The following BEND3 variants were observed in gnomAD, a reference collection of about 807,000 sequenced individuals.
The protein encoded by BEND3 is BEN domain-containing protein 3.
Under a neutral mutation model 60.1 loss-of-function variants are expected in BEND3, and 13 were observed. That is an observed-to-expected ratio of 0.22 (90% CI 0.14 to 0.34). BEND3 has a LOEUF of 0.34. BEND3 is among the 10% of genes least tolerant of loss of function. The probability of loss-of-function intolerance (pLI) is 1.00; values close to 1 mark genes in which losing one functional copy is unlikely to be tolerated. For missense variants in BEND3, 896 were observed against 1,138.1 expected (o/e 0.79, Z 3.06); for synonymous variants, 497 against 491.5 (o/e 1.01, Z -0.15).
rs1774840860 is a variant in BEND3, at chr6:107,066,784, T to C, written c.*1920A>G. The C allele has an allele frequency of 6.6e-6, 1 of 152,506 alleles. No homozygotes were observed. Among genetic ancestry groups the C allele is most frequent in the Non-Finnish European group, 1.5e-5 (1 of 68,030 alleles). 9.4% of individuals were successfully genotyped at this position (152,506 alleles called of 1,614,324 possible). A position where few individuals can be genotyped will look rare whatever the true frequency, so the allele number is the denominator to read the frequency against. The stretch of plus-strand genomic sequence containing the variant: ...GTAGGGTGCGTGTGTGTGCATGCTG[T>C]GTGCATGTGCTGGAGAGACTAAGGC... On this transcript the variant is annotated 3_prime_UTR_variant, in exon 4 of 4. Coordinates refer to ENST00000369042, the MANE Select transcript of BEND3 (RefSeq NM_001367314.1).
chr6:107,073,982 C>T (rs1178316131), intron 3 of BEND3, among the ~76,000 whole-genome samples: 6 of 152,232 alleles, frequency 3.9e-5, no homozygotes, highest in African/African-American at 1.4e-4. Flanking sequence ...AATCAGCAAG[C>T]ATTCTGTTTG....
In BEND3 at chr6:107,102,850, C is replaced by A. The variant is rs181792384; in HGVS notation, c.-11-3554G>T. Reference sequence around the variant, plus strand: ...ATGTGTGCCTGTGCCTCACCCTGAGCTATTTTAGTTCCAATTTCAACAAAT... The same window carrying A: ...ATGTGTGCCTGTGCCTCACCCTGAGATATTTTAGTTCCAATTTCAACAAAT... On this transcript the variant is annotated intron_variant, in intron 1 of 3. Coordinates refer to ENST00000369042, the MANE Select transcript of BEND3 (RefSeq NM_001367314.1). Among the ~76,000 whole-genome samples, 441 of 152,316 alleles carry A rather than the reference C, an allele frequency of 2.9e-3. 1 individual carries two copies. The highest frequency in any genetic ancestry group is 0.01 in the African/African-American group (427 of 41,576).
intron 1 of BEND3, among the ~76,000 whole-genome samples, chr6:107,109,693 G>C (rs1364699571): frequency 1.3e-5 from 2 of 152,058 alleles, no homozygotes; most frequent in African/African-American, 2.4e-5. Context: ...GGCAAACATG[G>C]AGAAACCGCG....
chr6:107,112,778 A>C (rs1440424016), intron 1 of BEND3, among the ~76,000 whole-genome samples: 1 of 149,692 alleles, frequency 6.7e-6, no homozygotes, highest in Admixed American at 6.7e-5. Flanking sequence ...ACTTGAACCC[A>C]GGAGGCAGAG....
chr6:107,114,912 C>T (rs544605429), intron 1 of BEND3, among the ~76,000 whole-genome samples, 178 bp downstream of exon 1: 93 of 149,514 alleles, frequency 6.2e-4, no homozygotes, highest in Admixed American at 3.2e-3. Context: ...TCGCTCGGCC[C>T]GCGCGGGGGT....
chr6:107,107,134 ACCATGTTGG>A (rs1775833873), intron 1 of BEND3, among the ~76,000 whole-genome samples: 1 of 151,236 alleles, frequency 6.6e-6, no homozygotes, highest in African/African-American at 2.4e-5. Context: ...ACAGAGTTTC[ACCATGTTGG>A]CCCAGCTGGT....
rs1554230990 is a variant in BEND3, at chr6:107,067,428, G to A, written c.*1276C>T. On this transcript the variant is annotated 3_prime_UTR_variant, in exon 4 of 4. Coordinates refer to ENST00000369042, the MANE Select transcript of BEND3 (RefSeq NM_001367314.1). The stretch of plus-strand genomic sequence containing the variant: ...CCCAGTTGGTGCTCCTGGAGAGCAT[G>A]CAGCTGGCCTGCAGGAGCCTGACAT... 6.6e-6 allele frequency: 1 copy of A among 152,244 alleles called. No homozygotes were observed. Among genetic ancestry groups the A allele is most frequent in the Non-Finnish European group, 1.5e-5 (1 of 68,056 alleles). 9.4% of individuals were successfully genotyped at this position (152,244 alleles called of 1,614,324 possible).
chr6:107,087,302 G>C (rs1554234441), intron 3 of BEND3, among the ~76,000 whole-genome samples: 1 of 151,668 alleles, frequency 6.6e-6, no homozygotes, highest in East Asian at 1.9e-4. Flanking sequence ...CTGGGTAAGA[G>C]AGCAAAACTC....
At chr6:107,100,355 G>A (rs1775679484) in intron 1 of BEND3, among the ~76,000 whole-genome samples, 1 of 152,010 alleles carries the variant, frequency 6.6e-6, no homozygotes, top group Non-Finnish European at 1.5e-5. Context: ...TGATTCTCCT[G>A]CCTCTGCCTC....
At chr6:107,074,162 T>A (rs1775049866) in intron 3 of BEND3, among the ~76,000 whole-genome samples, 1 of 152,218 alleles carries the variant, frequency 6.6e-6, no homozygotes, top group Non-Finnish European at 1.5e-5. Flanking sequence ...ATGCCTGTAA[T>A]CCCAGCACTT....
intron 3 of BEND3, among the ~76,000 whole-genome samples, chr6:107,076,373 C>T (rs1418133007): frequency 6.6e-6 from 1 of 152,194 alleles, no homozygotes; most frequent in South Asian, 2.1e-4. Flanking sequence ...GCAATGCCAG[C>T]GTCTAGCCCG....
At chr6:107,085,229 C>G (rs888740855) in intron 3 of BEND3, among the ~76,000 whole-genome samples, 3 of 152,174 alleles carry the variant, frequency 2.0e-5, no homozygotes, top group Admixed American at 6.5e-5. Context: ...TCTGAAGGAA[C>G]AAACTCTGGA....
At chr6:107,098,861 G>A in intron 2 of BEND3, 108 bp from the exon 3 acceptor site, 1 of 846,868 alleles carries the variant, frequency 1.2e-6, no homozygotes, top group East Asian at 2.6e-5. Flanking sequence ...TGACACCAGT[G>A]CTGAGATAAT....
chr6:107,073,052 TTA>T (rs1394987201), intron 3 of BEND3, among the ~76,000 whole-genome samples: 1 of 151,514 alleles, frequency 6.6e-6, no homozygotes, highest in East Asian at 1.9e-4. Flanking sequence ...CTGACTCATA[TTA>T]GAGAAATGTT....
At chr6:107,087,718 C>G (rs184782442) in intron 3 of BEND3, among the ~76,000 whole-genome samples, 2 of 146,336 alleles carry the variant, frequency 1.4e-5, no homozygotes, top group East Asian at 4.0e-4. Context: ...GCCTGGGCGA[C>G]AGAGCAAGAC....
chr6:107,069,685 G>C lies in BEND3; in HGVS notation c.1506C>G (p.Ser502=), dbSNP rs1554231562. The change falls in exon 4 of 4, where the codon TCC becomes TCG. Residue 502 remains serine, a synonymous_variant. Transcript: ENST00000369042. Reference sequence around the variant, plus strand: ...CCACTGAGATGTCGTCGGGCAGACTGGAGGAGTCGTAGCAGTCATCACGCG... The same window carrying C: ...CCACTGAGATGTCGTCGGGCAGACTCGAGGAGTCGTAGCAGTCATCACGCG... ...DPPRDDCYDS[S]SLPDDISVVK... 1 of 1,609,632 alleles carries C rather than the reference G, an allele frequency of 6.2e-7. No individual in the cohort carries two copies. The highest frequency in any genetic ancestry group is 1.3e-5 in the African/African-American group (1 of 74,926).
At chr6:107,081,328 C>G (rs1343631432) in intron 3 of BEND3, among the ~76,000 whole-genome samples, 1 of 151,600 alleles carries the variant, frequency 6.6e-6, no homozygotes, top group Non-Finnish European at 1.5e-5. Flanking sequence ...TCAAGCAATT[C>G]TCCTGCCTTA....
At chr6:107,110,575 T>C (rs1775920869) in intron 1 of BEND3, among the ~76,000 whole-genome samples, 1 of 152,138 alleles carries the variant, frequency 6.6e-6, no homozygotes, top group Admixed American at 6.5e-5. Flanking sequence ...CTTTTTCTTT[T>C]TGAGACAGAG....
chr6:107,081,791 A>C (rs2115007933), intron 3 of BEND3, among the ~76,000 whole-genome samples: 1 of 152,294 alleles, frequency 6.6e-6, no homozygotes, highest in East Asian at 1.9e-4. Context: ...AAAAAAAAAA[A>C]ATAAATAAAG....
Sources: allele counts gnomAD v4.1 joint callset (sites outside exome capture counted in the v4.1 genomes callset), GRCh38; gene constraint gnomAD v4.1.1; transcripts MANE v1.5; gene names NCBI Gene and HGNC (gene_info 2026-07-23, HGNC 2026-07-21).